The following OSR2 variants were observed in gnomAD, a reference collection of about 807,000 sequenced individuals.
OSR2 encodes the protein protein odd-skipped-related 2.
OSR2 carries 8 observed loss-of-function variants against 22.3 expected under a neutral mutation model. The ratio of observed to expected loss-of-function variants is 0.36; its 90% CI spans 0.21 to 0.65. The LOEUF is 0.65. Among genes scored for constraint, OSR2 ranks in the 30% least tolerant of loss-of-function variants. The pLI is 0.66. For missense variants in OSR2, 311 were observed against 413.4 expected (o/e 0.75, Z 2.15); for synonymous variants, 179 against 173.8 (o/e 1.03, Z -0.23).
At position 98,947,463 on chromosome 8, in the gene OSR2, A is replaced by G. The variant is rs534171607; in HGVS notation, c.-114-1376A>G. Among the ~76,000 whole-genome samples, 990 of 152,238 alleles carry G rather than the reference A, an allele frequency of 6.5e-3. 9 individuals carry two copies. Among genetic ancestry groups the G allele is most frequent in the African/African-American group, 0.022 (926 of 41,528 alleles). The stretch of plus-strand genomic sequence containing the variant: ...TGCCTTCCTGCTGGGTTCAAATGCC[A>G]GGCTTGGCGGTTGGTGGCACAGACT... On this transcript the variant is annotated intron_variant, in intron 1 of 3. Coordinates refer to ENST00000297565, the MANE Select transcript of OSR2 (RefSeq NM_001142462.3).
In OSR2 at chr8:98,948,965, G is replaced by T. The variant is rs775292637; in HGVS notation, c.13G>T (p.Ala5Ser). 5 of 1,613,934 alleles carry T rather than the reference G, an allele frequency of 3.1e-6. No homozygotes were observed. The highest frequency in any genetic ancestry group is 2.7e-5 in the African/African-American group (2 of 75,050). MGSK[A>S]LPAPIPLHPS... is the part of the protein sequence containing the mutation. The stretch of plus-strand genomic sequence containing the variant: ...AGCATCCCGGAAAATGGGGAGCAAG[G>T]CTCTGCCAGCGCCCATCCCGCTCCA... The change falls in exon 2 of 4, where the codon GCT becomes TCT. Residue 5 changes from alanine (A) to serine (S), a missense_variant. This residue lies in a region of OSR2 where 146 missense variants were observed against 160.5 expected (regional missense o/e 0.91). Transcript: ENST00000297565. This position sits in a 1 kb window ranked among gnomAD's most constrained non-coding sequence, Gnocchi z 6.0.
chr8:98,948,162 A>G lies in OSR2; in HGVS notation c.-114-677A>G. On this transcript the variant is annotated intron_variant, in intron 1 of 3. Coordinates refer to ENST00000297565, the MANE Select transcript of OSR2 (RefSeq NM_001142462.3). This position sits in a 1 kb window ranked among gnomAD's most constrained non-coding sequence, Gnocchi z 6.0. Reference sequence around the variant, plus strand: ...TCACTTTTCTTTCCTGCGGCCCGTCACCGCTGATAGATGGGGCTGAGGGCA... The same window carrying G: ...TCACTTTTCTTTCCTGCGGCCCGTCGCCGCTGATAGATGGGGCTGAGGGCA... The G allele has an allele frequency of 7.2e-7, 1 of 1,381,050 alleles. No homozygotes were observed. 85.5% of individuals were successfully genotyped at this position (1,381,050 alleles called of 1,614,324 possible). A position where few individuals can be genotyped will look rare whatever the true frequency, so the allele number is the denominator to read the frequency against.
Position 98,948,118 on chromosome 8 carries a change from G to A in OSR2, c.-114-721G>A. On this transcript the variant is annotated intron_variant, in intron 1 of 3. Transcript: ENST00000297565. The surrounding 1 kb of genome is among the most constrained non-coding windows in gnomAD (Gnocchi z 6.0). ...TAGGAGGAGGGGGCGATTCTAGGCC[G>A]AATCCAGCCCCTGAGGTGTCACTTT... 1 of 1,371,892 alleles carries A rather than the reference G, an allele frequency of 7.3e-7. No homozygotes were observed. The highest frequency in any genetic ancestry group is 1.5e-5 in the African/African-American group (1 of 66,774). The allele number at this position is 1,371,892 out of a possible 1,614,324, so 85.0% of individuals were successfully genotyped here. A position where few individuals can be genotyped will look rare whatever the true frequency, so the allele number is the denominator to read the frequency against.
At chr8:98,946,501 T>A (rs1167009082) in intron 1 of OSR2, among the ~76,000 whole-genome samples, 2 of 152,246 alleles carry the variant, frequency 1.3e-5, no homozygotes, top group African/African-American at 4.8e-5. Context: ...AATGGTTTGC[T>A]CTTCCTCTAT....
chr8:98,949,758 C>A lies in OSR2; in HGVS notation c.656+150C>A. 1.1e-6 allele frequency: 1 copy of A among 929,886 alleles called. No homozygotes were observed. The allele number at this position is 929,886 out of a possible 1,614,324, so 57.6% of individuals were successfully genotyped here. A position where few individuals can be genotyped will look rare whatever the true frequency, so the allele number is the denominator to read the frequency against. On this transcript the variant is annotated intron_variant, in intron 2 of 3. Coordinates refer to ENST00000297565, the MANE Select transcript of OSR2 (RefSeq NM_001142462.3). The surrounding 1 kb of genome is among the most constrained non-coding windows in gnomAD (Gnocchi z 5.9). ...CTCCTCAGCCCGGTTCAGCTAATTCCCAACATCTACCCTTTCTTTCCCCCA... is the reference window on the plus strand; with the variant it reads ...CTCCTCAGCCCGGTTCAGCTAATTCACAACATCTACCCTTTCTTTCCCCCA...
At chr8:98,945,181 C>T (rs914289431) in intron 1 of OSR2, among the ~76,000 whole-genome samples, 3 of 152,226 alleles carry the variant, frequency 2.0e-5, no homozygotes, top group African/African-American at 4.8e-5. Context: ...CGACTTGTCC[C>T]GGGGCAGCCG....
In OSR2 at chr8:98,948,869, G is replaced by T; in HGVS notation, c.-84G>T. ...TCTCTACGTGCTGTTGTCTCACTGG[G>T]TTTTTGTCGGAGCCCCACGCCCTCC... is the stretch of plus-strand genomic sequence containing the variant. On this transcript the variant is annotated 5_prime_UTR_variant, in exon 2 of 4. Coordinates refer to ENST00000297565, the MANE Select transcript of OSR2 (RefSeq NM_001142462.3). The surrounding 1 kb of genome is among the most constrained non-coding windows in gnomAD (Gnocchi z 6.0). The T allele has an allele frequency of 6.2e-7, 1 of 1,610,908 alleles. No individual in the cohort carries two copies. The highest frequency in any genetic ancestry group is 8.5e-7 in the Non-Finnish European group (1 of 1,179,240).
Position 98,949,201 on chromosome 8 carries a change from C to G in OSR2, c.249C>G (p.Phe83Leu), listed in dbSNP as rs1840711044. The G allele has an allele frequency of 6.3e-7, 1 of 1,591,702 alleles. No individual in the cohort carries two copies. The highest frequency in any genetic ancestry group is 1.1e-5 in the South Asian group (1 of 87,338). ...AAAQGLVDAR[F>L]PFPALPFTTH... ...CGCAGGGCCTCGTGGACGCGCGCTT[C>G]CCCTTCCCGGCCCTGCCTTTTACCA... Residue 83 changes from phenylalanine to leucine, a missense_variant, in exon 2 of 4, where the codon TTC becomes TTG. Around this residue, in one of 5 missense-constraint regions of OSR2, gnomAD observed 146 missense variants for 160.5 expected, o/e 0.91. Transcript: ENST00000297565. The surrounding 1 kb of genome is among the most constrained non-coding windows in gnomAD (Gnocchi z 5.9).
At position 98,950,751 on chromosome 8, in the gene OSR2, T is replaced by C. The variant is rs764058294; in HGVS notation, c.752T>C (p.Met251Thr). 1.0e-5 allele frequency: 16 copies of C among 1,604,998 alleles called. No homozygotes were observed. Among genetic ancestry groups the C allele is most frequent in the African/African-American group, 1.3e-5 (1 of 74,724 alleles). ...CTAGCAGTTCACAAAACTTTACACA[T>C]GCAGGTAAGTTTGTTTTCTTGTTTA... is the stretch of plus-strand genomic sequence containing the variant. The part of the protein sequence containing the change: ...RTLAVHKTLH[M>T]QESPHKCPTC... Residue 251 changes from methionine to threonine, a missense_variant, in exon 3 of 4, where the codon ATG (methionine) becomes ACG (threonine). By Grantham distance (81) the Met-to-Thr change is moderately conservative (BLOSUM62 -1). This residue lies in a region of OSR2 where 70 missense variants were observed against 84.5 expected (regional missense o/e 0.83). Coordinates refer to ENST00000297565, the MANE Select transcript of OSR2 (RefSeq NM_001142462.3).
At position 98,949,462 on chromosome 8, in the gene OSR2, A is replaced by G; in HGVS notation, c.510A>G (p.Lys170=). 6.2e-7 allele frequency: 1 copy of G among 1,614,054 alleles called. No homozygotes were observed. The highest frequency in any genetic ancestry group is 8.5e-7 in the Non-Finnish European group (1 of 1,179,906). Residue 170 remains lysine (K), a synonymous_variant, in exon 2 of 4, where the codon AAA becomes AAG. Transcript: ENST00000297565. This position sits in a 1 kb window ranked among gnomAD's most constrained non-coding sequence, Gnocchi z 5.9. Reference sequence around the variant, plus strand: ...GAAGGTTGCCCTCCAAAACGAAAAAAGAGTTTATCTGCAAGTTTTGCGGCA... The same window carrying G: ...GAAGGTTGCCCTCCAAAACGAAAAAGGAGTTTATCTGCAAGTTTTGCGGCA... The part of the protein sequence containing the change: ...SRGRLPSKTK[K]EFICKFCGRH...
At chr8:98,950,540 G>A (rs957673989) in intron 2 of OSR2, 116 bp from the exon 3 acceptor site, 14 of 669,648 alleles carry the variant, frequency 2.1e-5, no homozygotes, top group Admixed American at 3.0e-5. Context: ...ATCTAAAAAC[G>A]TAAATGGAAA....
At chr8:98,946,084 A>C (rs531843733) in intron 1 of OSR2, 5 of 152,386 alleles carry the variant, frequency 3.3e-5, no homozygotes, top group African/African-American at 1.2e-4. Flanking sequence ...CAGCCAGTCA[A>C]GTAAATTTTA....
intron 1 of OSR2, among the ~76,000 whole-genome samples, chr8:98,945,412 G>A (rs1425256440): frequency 2.6e-5 from 4 of 152,242 alleles, no homozygotes; most frequent in Non-Finnish European, 4.4e-5. Context: ...AAGTGAGAAA[G>A]GAGTTGCAGT....
At position 98,948,488 on chromosome 8, in the gene OSR2, G is replaced by GTGGGCTGGGC. The variant is rs1193886532; in HGVS notation, c.-114-331_-114-322dup. ...GCTTCGCCTAACAGGCTTGGGGAGGGTGGGCTGGGCTGGGCTGGGCTGGGC... is the reference window on the plus strand; with the variant it reads ...GCTTCGCCTAACAGGCTTGGGGAGGGTGGGCTGGGCTGGGCTGGGCTGGGCTGGGCTGGGC... On this transcript the variant is annotated intron_variant, in intron 1 of 3. Transcript: ENST00000297565. This position sits in a 1 kb window ranked among gnomAD's most constrained non-coding sequence, Gnocchi z 6.0. The GTGGGCTGGGC allele has an allele frequency of 6.8e-5, 88 of 1,296,812 alleles. No individual in the cohort carries two copies. Among genetic ancestry groups the GTGGGCTGGGC allele is most frequent in the African/African-American group, 6.7e-4 (44 of 65,200 alleles). 80.3% of individuals were successfully genotyped at this position (1,296,812 alleles called of 1,614,324 possible).
intron 3 of OSR2, 180 bp downstream of exon 3, chr8:98,950,935 C>G: frequency 3.2e-6 from 2 of 624,326 alleles, no homozygotes; most frequent in Non-Finnish European, 5.7e-6. Flanking sequence ...TAACATAAAG[C>G]ATTTTTATAT....
At chr8:98,950,011 C>T (rs1426933384) in intron 2 of OSR2, among the ~76,000 whole-genome samples, 1 of 133,462 alleles carries the variant, frequency 7.5e-6, no homozygotes, top group Non-Finnish European at 1.6e-5. Flanking sequence ...CACCCAGGTG[C>T]GCCCCAGAGC....
At position 98,951,512 on chromosome 8, in the gene OSR2, T is replaced by C; in HGVS notation, c.757-7T>C. 1 of 1,572,094 alleles carries C rather than the reference T, an allele frequency of 6.4e-7. No homozygotes were observed. The highest frequency in any genetic ancestry group is 8.6e-7 in the Non-Finnish European group (1 of 1,158,604). ...ATTAATCCTTTGCTTGCTTCACATC[T>C]GAACAGGAATCTCCACACAAATGTC... On this transcript the variant is annotated splice_polypyrimidine_tract_variant and splice_region_variant and intron_variant, in intron 3 of 3. Coordinates refer to ENST00000297565, the MANE Select transcript of OSR2 (RefSeq NM_001142462.3).
intron 2 of OSR2, 135 bp from the exon 3 acceptor site, chr8:98,950,519 GAA>G: frequency 1.0e-5 from 5 of 490,302 alleles, no homozygotes; most frequent in South Asian, 2.7e-5. Flanking sequence ...AATTACACAG[GAA>G]AAAAAAAAAT....
chr8:98,949,026 A>G lies in OSR2; in HGVS notation c.74A>G (p.Gln25Arg). The G allele has an allele frequency of 6.2e-7, 1 of 1,613,968 alleles. No homozygotes were observed. The highest frequency in any genetic ancestry group is 8.5e-7 in the Non-Finnish European group (1 of 1,179,904). Reference protein sequence around the residue: ...SLQLTNYSFLQAVNTFPATVD... With the variant: ...SLQLTNYSFLRAVNTFPATVD... ...CAGCTCACCAATTACTCCTTCCTGC[A>G]GGCCGTGAACACCTTCCCGGCCACG... The change falls in exon 2 of 4, where the codon CAG becomes CGG. Residue 25 changes from glutamine (Q) to arginine (R), a missense_variant. Gln to Arg is a conservative substitution (Grantham distance 43). Around this residue, in one of 5 missense-constraint regions of OSR2, gnomAD observed 146 missense variants for 160.5 expected, o/e 0.91. Coordinates refer to ENST00000297565, the MANE Select transcript of OSR2 (RefSeq NM_001142462.3). The surrounding 1 kb of genome is among the most constrained non-coding windows in gnomAD (Gnocchi z 5.9).
Sources: gnomAD v4.1 joint callset for allele counts (sites outside exome capture counted in the v4.1 genomes callset) on GRCh38, gnomAD v4.1.1 for gene constraint, gnomAD v4.1.1 regional missense constraint, Gnocchi (gnomAD v3.1) non-coding constraint, MANE v1.5 for transcripts, NCBI Gene and HGNC (gene_info 2026-07-23, HGNC 2026-07-21) for gene names.